Variants in NOX4 observed in about 807,000 individuals in gnomAD.
NOX4 encodes the protein NADPH oxidase 4, also known as kidney oxidase-1.
A neutral mutation model predicts 87.6 loss-of-function variants in NOX4; 69 were observed. That is an observed-to-expected ratio of 0.79 (90% CI 0.65 to 0.96). The LOEUF (loss-of-function observed/expected upper bound fraction) is 0.96, where lower values mean the gene tolerates loss of function less well. Among genes scored for constraint, NOX4 ranks in the 40% least tolerant of loss-of-function variants. NOX4 has a pLI of 0.00. For missense variants in NOX4, 680 were observed against 681.5 expected (o/e 1.00, Z 0.02); for synonymous variants, 275 against 238.2 (o/e 1.15, Z -1.42).
At position 89,447,895 on chromosome 11, in the gene NOX4, C is replaced by A. The variant is rs528447848; in HGVS notation, c.349+1545G>T. 3.9e-5 allele frequency among the ~76,000 whole-genome samples: 6 copies of A among 152,188 alleles called. No individual in the cohort carries two copies. In the South Asian group the frequency reaches 1.2e-3, roughly 32 times the overall value. On this transcript the variant is annotated intron_variant, in intron 4 of 17. Coordinates refer to ENST00000263317, the MANE Select transcript of NOX4 (RefSeq NM_016931.5). ...CTAACACCTGCAGAGGTGGGACTAC[C>A]AATTGGAAGACATTCAGAGATAAAA...
At chr11:89,520,660 A>C in the NOX4 span, among the ~76,000 whole-genome samples, 1 of 152,254 alleles carries the variant, frequency 6.6e-6, no homozygotes, top group South Asian at 2.1e-4. Flanking sequence ...TCCCACTCTT[A>C]CTACTGCTGT....
At chr11:89,586,792 G>A in the NOX4 span, among the ~76,000 whole-genome samples, 1 of 152,090 alleles carries the variant, frequency 6.6e-6, no homozygotes, top group Non-Finnish European at 1.5e-5. Flanking sequence ...AATTTACCAG[G>A]TGGGAAAATT....
intron 6 of NOX4, among the ~76,000 whole-genome samples, chr11:89,438,220 A>C (rs1944181110): frequency 7.0e-6 from 1 of 142,944 alleles, no homozygotes; most frequent in Non-Finnish European, 1.5e-5. Context: ...TATTAGTATT[A>C]TTAGTATATT....
intron 6 of NOX4, among the ~76,000 whole-genome samples, chr11:89,437,126 G>C (rs192669261): frequency 6.6e-6 from 1 of 152,110 alleles, no homozygotes; most frequent in Admixed American, 6.6e-5. Flanking sequence ...ACTTTGGGAG[G>C]CTGAGGCAAG....
upstream of NOX4, among the ~76,000 whole-genome samples, chr11:89,498,363 T>C (rs190955215): frequency 6.6e-6 from 1 of 152,332 alleles, no homozygotes; most frequent in African/African-American, 2.4e-5. Flanking sequence ...CATCATTTAG[T>C]TGCTGTCAGT....
At chr11:89,526,089 C>T in the NOX4 span, among the ~76,000 whole-genome samples, 4 of 152,130 alleles carry the variant, frequency 2.6e-5, no homozygotes, top group African/African-American at 4.8e-5. Context: ...ATTGTCATAA[C>T]TAATACAGCC....
chr11:89,394,476 A>T (rs1379406587), intron 11 of NOX4, among the ~76,000 whole-genome samples: 1 of 152,016 alleles, frequency 6.6e-6, no homozygotes, highest in Non-Finnish European at 1.5e-5. Flanking sequence ...AGTTGCCAAC[A>T]CAAGGGAAGG....
intron 2 of NOX4, among the ~76,000 whole-genome samples, chr11:89,481,432 T>C (rs612244): frequency 0.4 from 60,102 of 151,772 alleles, 14,445 homozygotes; most frequent in African/African-American, 0.68. Context: ...TTTTCTCATG[T>C]TGTCCTTCCA....
At chr11:89,516,767 T>A in the NOX4 span, among the ~76,000 whole-genome samples, 1 of 152,056 alleles carries the variant, frequency 6.6e-6, no homozygotes, top group Non-Finnish European at 1.5e-5. Flanking sequence ...CCTTTGAACT[T>A]CCAGCTGTTA....
At chr11:89,577,171 T>C in the NOX4 span, 1 of 152,112 alleles carries the variant, frequency 6.6e-6, no homozygotes, top group Non-Finnish European at 1.5e-5. Context: ...ATGGAAGATT[T>C]ATATTATTAA....
rs901176022 is a variant in NOX4 at position 89,425,373 on chromosome 11, A to G, written c.549-3391T>C. Among the ~76,000 whole-genome samples, 5 of 151,034 alleles carry G rather than the reference A, an allele frequency of 3.3e-5. No individual in the cohort carries two copies. The East Asian group carries it at 5.9e-4, about 18-fold the overall frequency. On this transcript the variant is annotated intron_variant, in intron 7 of 17. Coordinates refer to ENST00000263317, the MANE Select transcript of NOX4 (RefSeq NM_016931.5). ...CATCATTGAAAAAGCATGCAAAGACATATGGATGGGGGTGTTTGTTTCAAA... is the reference window on the plus strand; with the variant it reads ...CATCATTGAAAAAGCATGCAAAGACGTATGGATGGGGGTGTTTGTTTCAAA...
chr11:89,578,620 A>G, the NOX4 span, among the ~76,000 whole-genome samples: 205 of 152,310 alleles, frequency 1.3e-3, 1 homozygote, highest in Non-Finnish European at 2.5e-3. Flanking sequence ...ATCAGTTAAT[A>G]AGACAAACTT....
At position 89,473,821 on chromosome 11, in the gene NOX4, G is replaced by GA. The variant is rs1031473861; in HGVS notation, c.153+16636dup. ...GACTCTCTTCCAGTCTTTCCTTGGG[G>GA]AAAAAAAACAAAACACTGCCTCCAA... On this transcript the variant is annotated intron_variant, in intron 2 of 17. Transcript: ENST00000263317. 1.6e-4 allele frequency among the ~76,000 whole-genome samples: 25 copies of GA among 151,560 alleles called. No homozygotes were observed. In the East Asian group the frequency reaches 3.5e-3, roughly 21 times the overall value.
the NOX4 span, among the ~76,000 whole-genome samples, chr11:89,561,775 G>A: frequency 1.3e-5 from 2 of 152,132 alleles, no homozygotes; most frequent in East Asian, 1.9e-4. Flanking sequence ...GAGGCTGGCC[G>A]CAAACAAGCA....
chr11:89,523,747 TAAAC>T, the NOX4 span, among the ~76,000 whole-genome samples: 1 of 152,174 alleles, frequency 6.6e-6, no homozygotes, highest in Non-Finnish European at 1.5e-5. Context: ...AGTGAAGAGA[TAAAC>T]AAAACATGCT....
At chr11:89,358,095 G>T (rs1179196100) in intron 12 of NOX4, among the ~76,000 whole-genome samples, 1 of 151,938 alleles carries the variant, frequency 6.6e-6, no homozygotes, top group Non-Finnish European at 1.5e-5. Flanking sequence ...TTGTCAAAAA[G>T]GTTCATAGGC....
chr11:89,486,614 GTATATATGTGTA>G (rs1565349399), intron 2 of NOX4, among the ~76,000 whole-genome samples: 1 of 128,146 alleles, frequency 7.8e-6, no homozygotes, highest in Non-Finnish European at 1.6e-5. Flanking sequence ...ATATATGTGT[GTATATATGTGTA>G]TATATACATA....
intron 6 of NOX4, among the ~76,000 whole-genome samples, chr11:89,434,536 A>G (rs1465730516): frequency 6.6e-6 from 1 of 152,080 alleles, no homozygotes; most frequent in Non-Finnish European, 1.5e-5. Context: ...CTAAAGAACT[A>G]GCAGCATGAA....
At chr11:89,361,022 G>A (rs1004467843) in intron 12 of NOX4, among the ~76,000 whole-genome samples, 2 of 151,958 alleles carry the variant, frequency 1.3e-5, no homozygotes, top group Non-Finnish European at 2.9e-5. Context: ...TAGTGCAAAT[G>A]ACTATGTACA....
Sources: allele counts gnomAD v4.1 joint callset (sites outside exome capture counted in the v4.1 genomes callset), GRCh38; gene constraint gnomAD v4.1.1; transcripts MANE v1.5; gene names NCBI Gene and HGNC (gene_info 2026-07-23, HGNC 2026-07-21).